Variants in WDR19 observed in about 807,000 individuals in gnomAD.
WDR19 encodes WD repeat-containing protein 19.
WDR19 carries 121 observed loss-of-function variants against 180.0 expected under a neutral mutation model. The observed-to-expected ratio is 0.67, with a 90% CI of 0.58 to 0.78. WDR19 has a LOEUF of 0.78. Ranked by LOEUF, WDR19 falls within the 30% of genes least tolerant of loss-of-function variation. WDR19 has a pLI of 0.00. For missense variants in WDR19, 1,450 were observed against 1,640.7 expected, an observed-to-expected ratio of 0.88 and a Z score of 2.01; for synonymous variants, 497 against 540.7, an observed-to-expected ratio of 0.92 and a Z score of 1.12.
Position 39,228,674 on chromosome 4 carries a change from A to C in WDR19, c.1966A>C (p.Asn656His), listed in dbSNP as rs1730544573. 2 of 1,595,324 alleles carry C rather than the reference A, an allele frequency of 1.3e-6. No homozygotes were observed. The highest frequency in any genetic ancestry group is 2.7e-5 in the African/African-American group (2 of 74,364). ...PDELRPMLAQ[N>H]LMLKRFSDAW... ...CGAACTGAGACCAATGCTGGCACAGAATTTAATGCTAAAGAGGTAGGCTTT... is the reference window on the plus strand; with the variant it reads ...CGAACTGAGACCAATGCTGGCACAGCATTTAATGCTAAAGAGGTAGGCTTT... The change falls in exon 17 of 37, where the codon AAT (asparagine) becomes CAT (histidine). Residue 656 changes from asparagine (N) to histidine (H), a missense_variant. Transcript: ENST00000399820.
At chr4:39,189,810 T>G in intron 4 of WDR19, 29 bp downstream of exon 4, 1 of 1,583,262 alleles carries the variant, frequency 6.3e-7, no homozygotes, top group Non-Finnish European at 8.5e-7. Context: ...TTTTTAAAGC[T>G]TCACTTAGAA....
In WDR19 at chr4:39,194,534, A is replaced by C. The variant is rs761330154; in HGVS notation, c.291-10A>C. The C allele has an allele frequency of 6.4e-7, 1 of 1,570,878 alleles. No homozygotes were observed. The highest frequency in any genetic ancestry group is 1.1e-5 in the South Asian group (1 of 88,166). Reference sequence around the variant, plus strand: ...TGAATTGTTTAGTAATTTATATCTTAATGTTACAGGGATCAAATGTCTTTC... The same window carrying C: ...TGAATTGTTTAGTAATTTATATCTTCATGTTACAGGGATCAAATGTCTTTC... On this transcript the variant is annotated splice_polypyrimidine_tract_variant and intron_variant, in intron 4 of 36. Coordinates refer to ENST00000399820, the MANE Select transcript of WDR19 (RefSeq NM_025132.4).
At chr4:39,237,187 A>G (rs148179213) in intron 20 of WDR19, among the ~76,000 whole-genome samples, 24 of 152,324 alleles carry the variant, frequency 1.6e-4, no homozygotes, top group African/African-American at 5.8e-4. Context: ...ACATAATTCT[A>G]CTTTACTGTC....
Position 39,269,963 on chromosome 4 carries a change from A to T in WDR19, c.3359-13A>T, listed in dbSNP as rs754266313. 6.8e-6 allele frequency: 11 copies of T among 1,612,900 alleles called. No individual in the cohort carries two copies. In the Admixed American group the frequency reaches 1.0e-4, roughly 15 times the overall value. On this transcript the variant is annotated splice_polypyrimidine_tract_variant and intron_variant, in intron 30 of 36. Transcript: ENST00000399820. Reference sequence around the variant, plus strand: ...CCCTTTGCAGTAATGTCGTTTTACCACCTTTTTTCAAGGCAACTACCGGAA... The same window carrying T: ...CCCTTTGCAGTAATGTCGTTTTACCTCCTTTTTTCAAGGCAACTACCGGAA...
chr4:39,283,509 A>T (rs960181294), intron 36 of WDR19, among the ~76,000 whole-genome samples: 2 of 151,894 alleles, frequency 1.3e-5, no homozygotes, highest in African/African-American at 4.8e-5. Flanking sequence ...CTATTTGACT[A>T]AATATTTTTT....
chr4:39,262,441 A>G (rs530275528), intron 28 of WDR19, among the ~76,000 whole-genome samples: 1 of 152,174 alleles, frequency 6.6e-6, no homozygotes, highest in East Asian at 1.9e-4. Flanking sequence ...GGTTTTTGCT[A>G]TGTTGCCTTG....
chr4:39,256,081 G>A (rs1560544275), intron 27 of WDR19, 121 bp downstream of exon 27: 1 of 430,336 alleles, frequency 2.3e-6, no homozygotes. Flanking sequence ...ACTCAGATTT[G>A]AAATCTCAGA....
chr4:39,284,644 C>CT (rs1489327685), intron 36 of WDR19, among the ~76,000 whole-genome samples: 1 of 21,190 alleles, frequency 4.7e-5, no homozygotes, highest in Non-Finnish European at 1.0e-4. Context: ...TCCTGGCTTT[C>CT]TAAAAAAAAA....
At chr4:39,252,815 A>G (rs191568339) in intron 24 of WDR19, among the ~76,000 whole-genome samples, 159 of 152,234 alleles carry the variant, frequency 1.0e-3, no homozygotes, top group African/African-American at 3.5e-3. Context: ...AGCTGTATCT[A>G]TAATTGTGAA....
intron 24 of WDR19, among the ~76,000 whole-genome samples, chr4:39,248,499 A>G (rs918387049): frequency 2.0e-5 from 3 of 152,232 alleles, no homozygotes; most frequent in South Asian, 2.1e-4. Context: ...TTCACACATA[A>G]CAATACTAAT....
chr4:39,192,107 T>C (rs115613835), intron 4 of WDR19, among the ~76,000 whole-genome samples: 1 of 152,346 alleles, frequency 6.6e-6, no homozygotes, highest in African/African-American at 2.4e-5. Flanking sequence ...ACTTTCTTTC[T>C]AGTTGGTTGT....
At chr4:39,193,055 A>G (rs1487409747) in intron 4 of WDR19, among the ~76,000 whole-genome samples, 1 of 152,228 alleles carries the variant, frequency 6.6e-6, no homozygotes, top group East Asian at 1.9e-4. Flanking sequence ...AAAAGGAAAA[A>G]AAGATTAAAA....
intron 9 of WDR19, 194 bp downstream of exon 9, chr4:39,205,930 A>T: frequency 1.8e-6 from 1 of 566,678 alleles, no homozygotes; most frequent in Non-Finnish European, 3.0e-6. Flanking sequence ...TCTTAAAAAT[A>T]AAATAGGTAG....
At chr4:39,186,640 GT>G (rs1725588784) in intron 3 of WDR19, 36 bp downstream of exon 3, 1 of 1,399,652 alleles carries the variant, frequency 7.1e-7, no homozygotes, top group African/African-American at 1.5e-5. Flanking sequence ...AACCTGTCAA[GT>G]TTTGTTGCCT....
At chr4:39,260,058 T>TCC (rs569656744) in intron 28 of WDR19, among the ~76,000 whole-genome samples, 30 of 151,954 alleles carry the variant, frequency 2.0e-4, no homozygotes, top group Non-Finnish European at 4.1e-4. Context: ...TCCTTCTCTC[T>TCC]CTCTCTCTCT....
At position 39,185,817 on chromosome 4, in the gene WDR19, G is replaced by C; in HGVS notation, c.98G>C (p.Gly33Ala). ...KTSGNYLAVT[G>A]ADYIVKIFDR... is the part of the protein sequence containing the mutation. ...TCAGGAAACTACCTTGCAGTAACAGGGTAAGAAACCAATGAATGTTTTAAG... is the reference window on the plus strand; with the variant it reads ...TCAGGAAACTACCTTGCAGTAACAGCGTAAGAAACCAATGAATGTTTTAAG... Residue 33 changes from glycine to alanine, a missense_variant and splice_region_variant, in exon 2 of 37, where the codon GGA becomes GCA. By Grantham distance (60) the Gly-to-Ala change is moderately conservative. Coordinates refer to ENST00000399820, the MANE Select transcript of WDR19 (RefSeq NM_025132.4). 6.5e-7 allele frequency: 1 copy of C among 1,547,858 alleles called. No homozygotes were observed. The highest frequency in any genetic ancestry group is 8.7e-7 in the Non-Finnish European group (1 of 1,143,568).
intron 17 of WDR19, among the ~76,000 whole-genome samples, chr4:39,229,650 C>T (rs960385355): frequency 5.9e-5 from 9 of 152,080 alleles, no homozygotes; most frequent in Non-Finnish European, 1.0e-4. Context: ...TTATTGGGGT[C>T]TCATGAGTTT....
intron 17 of WDR19, among the ~76,000 whole-genome samples, chr4:39,230,963 C>T (rs1194075660): frequency 6.6e-6 from 1 of 152,060 alleles, no homozygotes; most frequent in Admixed American, 6.6e-5. Flanking sequence ...GGGTCTCTAT[C>T]GCAGCTACTC....
intron 3 of WDR19, 66 bp downstream of exon 3, chr4:39,186,670 T>G: frequency 9.1e-7 from 1 of 1,093,446 alleles, no homozygotes; most frequent in South Asian, 1.6e-5. Context: ...AAAAAAATAC[T>G]GCCTTAAAAT....
Sources: gnomAD v4.1 joint callset for allele counts (sites outside exome capture counted in the v4.1 genomes callset) on GRCh38, gnomAD v4.1.1 for gene constraint, MANE v1.5 for transcripts, NCBI Gene and HGNC (gene_info 2026-07-23, HGNC 2026-07-21) for gene names.